Variants in SASH1 observed in about 807,000 individuals in gnomAD.
SASH1 encodes SAM and SH3 domain containing 1.
A neutral mutation model predicts 125.2 loss-of-function variants in SASH1; 44 were observed. The ratio of observed to expected loss-of-function variants is 0.35; its 90% confidence interval spans 0.28 to 0.45. The LOEUF (loss-of-function observed/expected upper bound fraction) is 0.45, where lower values mean the gene tolerates loss of function less well. Among genes scored for constraint, SASH1 ranks in the 20% least tolerant of loss-of-function variants. The probability of loss-of-function intolerance (pLI) is 1.00; values close to 1 mark genes in which losing one functional copy is unlikely to be tolerated. For missense variants in SASH1, 1,426 were observed against 1,614.5 expected (o/e 0.88, Z 2.00); for synonymous variants, 639 against 649.1 (o/e 0.98, Z 0.24).
chr6:148,224,550 G>A, the SASH1 span, among the ~76,000 whole-genome samples: 1 of 152,008 alleles, frequency 6.6e-6, no homozygotes, highest in Non-Finnish European at 1.5e-5. Flanking sequence ...TAGTAGAGAT[G>A]GGGTTTCACC....
At chr6:148,355,091 G>A (rs1265636136) in intron 1 of SASH1, among the ~76,000 whole-genome samples, 1 of 152,180 alleles carries the variant, frequency 6.6e-6, no homozygotes, top group African/African-American at 2.4e-5. Flanking sequence ...GTTATTTTGG[G>A]ATGATTTAGT....
At chr6:148,500,767 T>C (rs576081147) in intron 8 of SASH1, among the ~76,000 whole-genome samples, 4 of 152,342 alleles carry the variant, frequency 2.6e-5, no homozygotes, top group Admixed American at 1.3e-4. Context: ...ATATTTTTGC[T>C]AGTTTTTAGT....
chr6:148,500,579 C>T (rs56321919), intron 8 of SASH1, among the ~76,000 whole-genome samples: 35,811 of 152,124 alleles, frequency 0.24, 4,935 homozygotes, highest in Middle Eastern at 0.36. Flanking sequence ...AAAGAGGTCA[C>T]ACAGTTTCCT....
chr6:148,273,153 G>C (rs886461022), intron 1 of SASH1, among the ~76,000 whole-genome samples: 3 of 152,004 alleles, frequency 2.0e-5, no homozygotes, highest in Admixed American at 6.6e-5. Flanking sequence ...TCAGCTACTT[G>C]GGAGGCTGAG....
chr6:148,350,097 G>A (rs1177260315), intron 1 of SASH1, among the ~76,000 whole-genome samples: 5 of 151,692 alleles, frequency 3.3e-5, no homozygotes, highest in African/African-American at 1.2e-4. Context: ...CACTCACCTC[G>A]GCCTCCCAAA....
At chr6:148,534,674 T>TG (rs1781732913) in intron 15 of SASH1, 77 bp from the exon 16 acceptor site, 2 of 1,385,266 alleles carry the variant, frequency 1.4e-6, no homozygotes, top group African/African-American at 1.4e-5. Context: ...GTGTGTGGGT[T>TG]GCAGGCTAGT....
intron 7 of SASH1, among the ~76,000 whole-genome samples, chr6:148,475,693 C>T (rs557739988): frequency 7.6e-4 from 116 of 152,122 alleles, no homozygotes; most frequent in Non-Finnish European, 1.4e-3. Flanking sequence ...AACCTTGAAA[C>T]AATGGCACAC....
intron 1 of SASH1, among the ~76,000 whole-genome samples, chr6:148,336,691 T>C (rs925036263): frequency 6.6e-6 from 1 of 152,188 alleles, no homozygotes; most frequent in South Asian, 2.1e-4. Context: ...AATTACACAA[T>C]TGCCTTATTT....
intron 18 of SASH1, among the ~76,000 whole-genome samples, chr6:148,545,096 G>T (rs1445754116): frequency 3.3e-5 from 5 of 152,138 alleles, no homozygotes; most frequent in Non-Finnish European, 7.4e-5. Context: ...GTGGACAAAA[G>T]AACCCTATTC....
intron 2 of SASH1, among the ~76,000 whole-genome samples, chr6:148,411,958 A>G (rs1449013667): frequency 4.6e-5 from 7 of 152,242 alleles, no homozygotes; most frequent in African/African-American, 1.4e-4. Flanking sequence ...TGGAGGTTTC[A>G]CTCTTGATAG....
chr6:148,346,982 G>A (rs151124044), intron 1 of SASH1, among the ~76,000 whole-genome samples: 2 of 152,280 alleles, frequency 1.3e-5, no homozygotes, highest in East Asian at 3.9e-4. Flanking sequence ...TTAGAATCCT[G>A]TGGAATTTTA....
chr6:148,374,976 T>A (rs960368625), intron 1 of SASH1, among the ~76,000 whole-genome samples: 2 of 148,810 alleles, frequency 1.3e-5, no homozygotes, highest in Non-Finnish European at 3.0e-5. Flanking sequence ...GGATTACAGG[T>A]GCAAGCCACC....
At chr6:148,421,313 A>G (rs962390373) in intron 2 of SASH1, among the ~76,000 whole-genome samples, 2 of 151,940 alleles carry the variant, frequency 1.3e-5, no homozygotes, top group Non-Finnish European at 2.9e-5. Flanking sequence ...TTTATTTATT[A>G]TTTTTTCTGA....
chr6:148,489,942 A>G (rs1779031062), intron 8 of SASH1, among the ~76,000 whole-genome samples: 1 of 141,558 alleles, frequency 7.1e-6, no homozygotes, highest in African/African-American at 2.6e-5. Flanking sequence ...CTGAGGTGGG[A>G]GGATTGCTTG....
chr6:148,365,959 A>AAAAATTAGCC (rs1238057711), intron 1 of SASH1, among the ~76,000 whole-genome samples: 1 of 152,110 alleles, frequency 6.6e-6, no homozygotes, highest in East Asian at 1.9e-4. Context: ...CTAAAAACAC[A>AAAAATTAGCC]AAAATTAGCC....
intron 4 of SASH1, among the ~76,000 whole-genome samples, chr6:148,465,845 C>A (rs184475757): frequency 6.6e-6 from 1 of 152,194 alleles, no homozygotes; most frequent in Non-Finnish European, 1.5e-5. Flanking sequence ...GCTCCCACTT[C>A]TCCCGTGGCC....
At chr6:148,513,641 T>A in intron 8 of SASH1, 1 of 985,672 alleles carries the variant, frequency 1.0e-6, no homozygotes, top group Non-Finnish European at 1.2e-6. Flanking sequence ...AATGGGCTGC[T>A]GGGGAATATG....
At chr6:148,484,554 G>GTT (rs548327355) in intron 7 of SASH1, among the ~76,000 whole-genome samples, 9,568 of 144,922 alleles carry the variant, frequency 0.066, 415 homozygotes, top group Non-Finnish European at 0.098. Context: ...AATTACATGG[G>GTT]TTTTTTTTTT....
In SASH1 at chr6:148,342,908, G is replaced by A. The variant is rs1170315829; in HGVS notation, c.-160G>A. The stretch of plus-strand genomic sequence containing the variant: ...GACCCGAGGTGCGGGCGCCTGCGAA[G>A]GGCCCCCGCGGGGTGGCCGGGGCCG... On this transcript the variant is annotated 5_prime_UTR_variant, in exon 1 of 20. Coordinates refer to ENST00000367467, the MANE Select transcript of SASH1 (RefSeq NM_015278.5). 10 of 538,608 alleles carry A rather than the reference G, an allele frequency of 1.9e-5. No individual in the cohort carries two copies. Among genetic ancestry groups the A allele is most frequent in the Admixed American group, 6.4e-5 (1 of 15,688 alleles). The allele number at this position is 538,608 out of a possible 1,614,324, so 33.4% of individuals were successfully genotyped here.
Sources: allele counts gnomAD v4.1 joint callset (sites outside exome capture counted in the v4.1 genomes callset), GRCh38; gene constraint gnomAD v4.1.1; transcripts MANE v1.5; gene names NCBI Gene and HGNC (gene_info 2026-07-23, HGNC 2026-07-21).